The following RBFOX1 variants were observed in gnomAD, a reference collection of about 807,000 sequenced individuals.
The protein encoded by RBFOX1 is RNA binding protein fox-1 homolog 1.
Under a neutral mutation model 57.7 loss-of-function variants are expected in RBFOX1, and 8 were observed. The ratio of observed to expected loss-of-function variants is 0.14; its 90% confidence interval spans 0.08 to 0.25. The LOEUF is 0.25. Ranked by LOEUF, RBFOX1 falls within the 10% of genes least tolerant of loss-of-function variation. RBFOX1 has a pLI of 1.00. For synonymous variants in RBFOX1, 326 were observed against 222.4 expected, an observed-to-expected ratio of 1.47 and a Z score of -4.15; for missense variants, 611 against 548.5, an observed-to-expected ratio of 1.11 and a Z score of -1.14.
chr16:5,651,969 C>G (rs1323568438), intron 3 of RBFOX1, among the ~76,000 whole-genome samples: 3 of 152,014 alleles, frequency 2.0e-5, no homozygotes, highest in African/African-American at 7.3e-5. Flanking sequence ...CCCATTTCTA[C>G]TAAAGAAAGA....
At chr16:6,255,194 T>G (rs565723575) in intron 1 of RBFOX1, among the ~76,000 whole-genome samples, 1 of 152,234 alleles carries the variant, frequency 6.6e-6, no homozygotes, top group East Asian at 1.9e-4. Flanking sequence ...CTTTTTGGTT[T>G]AATCACCCCA....
At chr16:6,007,497 C>A (rs1026198725) in intron 4 of RBFOX1, among the ~76,000 whole-genome samples, 3 of 152,188 alleles carry the variant, frequency 2.0e-5, no homozygotes, top group Non-Finnish European at 2.9e-5. Context: ...TGATTCCAGC[C>A]TTGCCAGAGA....
At chr16:5,626,173 C>A (rs1444518429) in intron 3 of RBFOX1, among the ~76,000 whole-genome samples, 1 of 152,252 alleles carries the variant, frequency 6.6e-6, no homozygotes, top group East Asian at 1.9e-4. Context: ...AGCCACCACA[C>A]CTGACCTCTT....
chr16:6,377,748 G>A (rs1019002656), intron 2 of RBFOX1, among the ~76,000 whole-genome samples: 1 of 152,190 alleles, frequency 6.6e-6, no homozygotes, highest in Non-Finnish European at 1.5e-5. Context: ...CATATAAAAT[G>A]TTTGGCACTA....
intron 2 of RBFOX1, among the ~76,000 whole-genome samples, chr16:5,595,871 G>C (rs1056006272): frequency 6.6e-6 from 1 of 152,184 alleles, no homozygotes; most frequent in African/African-American, 2.4e-5. Context: ...TGCTAATCTA[G>C]GGTTAGGGTG....
chr16:7,242,071 CA>C (rs1331524729), intron 4 of RBFOX1, among the ~76,000 whole-genome samples: 1 of 152,076 alleles, frequency 6.6e-6, no homozygotes, highest in Non-Finnish European at 1.5e-5. Context: ...TCAGTGATAA[CA>C]ATAATTGAAA....
In RBFOX1 at chr16:5,363,102, C is replaced by A. The variant is rs112406378; in HGVS notation, c.220-104114C>A. 8.5e-3 allele frequency among the ~76,000 whole-genome samples: 1,195 copies of A among 140,170 alleles called. 21 individuals are homozygous for A. Among genetic ancestry groups the A allele is most frequent in the African/African-American group, 0.031 (1,123 of 36,576 alleles). 92.0% of individuals were successfully genotyped at this position (140,170 alleles called of 152,430 possible). On this transcript the variant is annotated intron_variant, in intron 1 of 2. Transcript: ENST00000585867. ...AGGCTGGAGCGCAGTGGTGTGATCT[C>A]GGCTCACTGCAACCTCCACCTCCTG... is the stretch of plus-strand genomic sequence containing the variant.
intron 1 of RBFOX1, among the ~76,000 whole-genome samples, chr16:5,392,475 T>C (rs1003079499): frequency 2.5e-4 from 38 of 151,946 alleles, no homozygotes; most frequent in African/African-American, 9.2e-4. Flanking sequence ...TTAGGGGGTG[T>C]TACTCTGTCT....
chr16:5,636,967 A>G (rs2048703145), intron 3 of RBFOX1, among the ~76,000 whole-genome samples: 1 of 152,172 alleles, frequency 6.6e-6, no homozygotes, highest in Non-Finnish European at 1.5e-5. Flanking sequence ...TGCGCTGCTA[A>G]TCCATATGCA....
chr16:7,033,188 T>C (rs1487672073), intron 3 of RBFOX1, among the ~76,000 whole-genome samples: 3 of 152,040 alleles, frequency 2.0e-5, no homozygotes, highest in Non-Finnish European at 4.4e-5. Context: ...ATTTTAGGGA[T>C]TATAGGGAGA....
At chr16:6,826,345 C>T (rs112203109) in intron 3 of RBFOX1, among the ~76,000 whole-genome samples, 4,312 of 152,200 alleles carry the variant, frequency 0.028, 215 homozygotes, top group African/African-American at 0.098. Flanking sequence ...AGACCCCCTT[C>T]TTATTTACAG....
At chr16:6,834,450 T>A (rs1343032346) in intron 3 of RBFOX1, among the ~76,000 whole-genome samples, 1 of 152,134 alleles carries the variant, frequency 6.6e-6, no homozygotes, top group Non-Finnish European at 1.5e-5. Context: ...GAAGCGTCAA[T>A]GGATGCCTAT....
At chr16:6,294,040 G>A (rs2077783896) in intron 1 of RBFOX1, among the ~76,000 whole-genome samples, 1 of 152,166 alleles carries the variant, frequency 6.6e-6, no homozygotes, top group Non-Finnish European at 1.5e-5. Flanking sequence ...ATTTCAACTA[G>A]GTGTGGTGGT....
intron 4 of RBFOX1, among the ~76,000 whole-genome samples, chr16:7,480,419 C>T (rs974524964): frequency 1.3e-5 from 2 of 152,130 alleles, no homozygotes; most frequent in Non-Finnish European, 2.9e-5. Flanking sequence ...GAAAATTTCT[C>T]GTTTCCACAA....
chr16:7,697,255 T>G (rs1194183836), intron 14 of RBFOX1, among the ~76,000 whole-genome samples: 2 of 151,996 alleles, frequency 1.3e-5, no homozygotes, highest in African/African-American at 4.8e-5. Context: ...TAAGCTGTAT[T>G]TTGATGGGAG....
At chr16:5,452,006 C>A (rs527913096) in intron 1 of RBFOX1, among the ~76,000 whole-genome samples, 1 of 152,250 alleles carries the variant, frequency 6.6e-6, no homozygotes, top group East Asian at 1.9e-4. Flanking sequence ...TCTCCCTCCA[C>A]CCCCAAACCC....
intron 1 of RBFOX1, among the ~76,000 whole-genome samples, chr16:6,126,661 G>A (rs1009973541): frequency 1.3e-5 from 2 of 152,064 alleles, no homozygotes; most frequent in African/African-American, 4.8e-5. Context: ...TATTCTGGGG[G>A]TCTGGCTCCT....
At chr16:6,619,743 T>C (rs2098199071) in intron 2 of RBFOX1, among the ~76,000 whole-genome samples, 1 of 150,786 alleles carries the variant, frequency 6.6e-6, no homozygotes, top group Admixed American at 6.6e-5. Flanking sequence ...GTTACAAATG[T>C]ACTGTTTTTA....
intron 4 of RBFOX1, among the ~76,000 whole-genome samples, chr16:5,893,805 C>CAA (rs34828601): frequency 6.7e-4 from 96 of 143,182 alleles, no homozygotes; most frequent in African/African-American, 1.2e-3. Context: ...GACTCCACCT[C>CAA]AAAAAAAAAA....
Sources: gnomAD v4.1 joint callset for allele counts (sites outside exome capture counted in the v4.1 genomes callset) on GRCh38, gnomAD v4.1.1 for gene constraint, MANE v1.5 for transcripts, NCBI Gene and HGNC (gene_info 2026-07-23, HGNC 2026-07-21) for gene names.